DGKI: variants seen among roughly 807,000 people sequenced by gnomAD.
The protein encoded by DGKI is diacylglycerol kinase iota.
DGKI carries 55 observed loss-of-function variants against 147.5 expected under a neutral mutation model. The ratio of observed to expected loss-of-function variants is 0.37; its 90% CI spans 0.30 to 0.47. The LOEUF is 0.47. DGKI is among the 20% of genes least tolerant of loss of function. The pLI is 1.00. For missense variants in DGKI, 1,007 were observed against 1,323.8 expected (o/e 0.76, Z 3.71); for synonymous variants, 469 against 477.1 (o/e 0.98, Z 0.22).
At chr7:137,805,033 C>T (rs1420581693) in intron 1 of DGKI, among the ~76,000 whole-genome samples, 2 of 152,226 alleles carry the variant, frequency 1.3e-5, no homozygotes, top group Admixed American at 1.3e-4. Flanking sequence ...CTTGTTTATA[C>T]ATCCCTGTCA....
At chr7:137,800,613 A>T (rs190623886) in intron 1 of DGKI, among the ~76,000 whole-genome samples, 1 of 152,258 alleles carries the variant, frequency 6.6e-6, no homozygotes, top group East Asian at 1.9e-4. Flanking sequence ...TTTACAAATT[A>T]CCTAGTCTCA....
chr7:137,811,366 T>TCC (rs1797568322), intron 1 of DGKI, among the ~76,000 whole-genome samples: 1 of 96,780 alleles, frequency 1.0e-5, no homozygotes, highest in Non-Finnish European at 2.3e-5. Context: ...TCTCTCTCCC[T>TCC]CTCTCTCTCT....
At chr7:137,551,073 T>C (rs947112606) in intron 20 of DGKI, among the ~76,000 whole-genome samples, 6 of 152,158 alleles carry the variant, frequency 3.9e-5, no homozygotes, top group Non-Finnish European at 7.3e-5. Context: ...GGAGTTTCAC[T>C]AAATGCAAAA....
In DGKI at chr7:137,684,806, G is replaced by C. The variant is rs150724886; in HGVS notation, c.510+5088C>G. 1.4e-4 allele frequency among the ~76,000 whole-genome samples: 22 copies of C among 152,298 alleles called. No individual in the cohort carries two copies. The South Asian group carries it at 4.1e-3, about 29-fold the overall frequency. On this transcript the variant is annotated intron_variant, in intron 2 of 32. Transcript: ENST00000614521. The stretch of plus-strand genomic sequence containing the variant: ...AATGGGGCTGGGAGTGGGGAAAGAT[G>C]TGGGGCTGTGGGTGATGACACTCAG...
intron 15 of DGKI, 72 bp from the exon 16 acceptor site, chr7:137,578,397 T>C (rs1443861031): frequency 1.9e-6 from 2 of 1,063,926 alleles, no homozygotes; most frequent in Admixed American, 1.7e-5. Context: ...GCACTCCTAC[T>C]TCCTCCCCAG....
chr7:137,487,637 G>A lies in DGKI; in HGVS notation c.2301C>T (p.Cys767=), dbSNP rs770590732. 2 of 1,613,544 alleles carry A rather than the reference G, an allele frequency of 1.2e-6. No individual in the cohort carries two copies. Among genetic ancestry groups the A allele is most frequent in the African/African-American group, 2.7e-5 (2 of 74,862 alleles). ...VVRGDCDLET[C]RMYIDRLQED... is the part of the protein sequence containing the mutation. ...CCTGTAGGCGGTCTATGTACATACG[G>A]CAAGTCTCCAAATCACAGTCTCCAC... The change falls in exon 22 of 33, where the codon TGC becomes TGT. Residue 767 remains cysteine (C), a synonymous_variant. Transcript: ENST00000614521.
Position 137,681,571 on chromosome 7 carries a change from A to G in DGKI, c.511-2919T>C, listed in dbSNP as rs574821103. 3.9e-5 allele frequency among the ~76,000 whole-genome samples: 6 copies of G among 152,358 alleles called. No homozygotes were observed. The South Asian group carries it at 1.2e-3, about 32-fold the overall frequency. Reference sequence around the variant, plus strand: ...TCTTTAATTTATTCAACAATTCTTTATTCGATAACACTGGTGCCAGGCACT... The same window carrying G: ...TCTTTAATTTATTCAACAATTCTTTGTTCGATAACACTGGTGCCAGGCACT... On this transcript the variant is annotated intron_variant, in intron 2 of 32. Transcript: ENST00000614521.
At chr7:137,681,250 C>T (rs954467124) in intron 2 of DGKI, among the ~76,000 whole-genome samples, 1 of 152,168 alleles carries the variant, frequency 6.6e-6, no homozygotes, top group African/African-American at 2.4e-5. Context: ...GGTAATTTTT[C>T]CCTGTTGCAA....
chr7:137,674,192 C>A (rs547774689), intron 3 of DGKI, among the ~76,000 whole-genome samples: 1 of 152,192 alleles, frequency 6.6e-6, no homozygotes, highest in African/African-American at 2.4e-5. Context: ...AATTCCATTA[C>A]GTATCTGCTC....
intron 10 of DGKI, among the ~76,000 whole-genome samples, chr7:137,605,346 A>G (rs1820143328): frequency 6.8e-6 from 1 of 146,792 alleles, no homozygotes; most frequent in Non-Finnish European, 1.5e-5. Context: ...AAAATAAAAT[A>G]AAATAAAATA....
chr7:137,476,557 GT>G (rs749363106), intron 23 of DGKI, among the ~76,000 whole-genome samples: 10 of 152,070 alleles, frequency 6.6e-5, no homozygotes, highest in Non-Finnish European at 1.2e-4. Flanking sequence ...TAGTTTTAGG[GT>G]TACCTGGACA....
Position 137,476,177 on chromosome 7 carries a change from G to A in DGKI, c.2374-6558C>T, listed in dbSNP as rs926156823. Among the ~76,000 whole-genome samples the A allele has an allele frequency of 6.6e-5, 10 of 152,206 alleles. No individual in the cohort carries two copies. The South Asian group carries it at 1.0e-3, about 16-fold the overall frequency. ...CAGGTAGCTCTTGACTCTGGCTCTC[G>A]TTCATTCCTCCCTACTCTTAGTCTT... On this transcript the variant is annotated intron_variant, in intron 23 of 32. Coordinates refer to ENST00000614521, the MANE Select transcript of DGKI (RefSeq NM_001321708.2).
chr7:137,532,691 T>A (rs1412316480), intron 20 of DGKI, among the ~76,000 whole-genome samples: 1 of 152,132 alleles, frequency 6.6e-6, no homozygotes, highest in Admixed American at 6.6e-5. Flanking sequence ...GAAGGAATAA[T>A]TGAGAGTCCT....
At chr7:137,571,627 G>A (rs1249701081) in intron 18 of DGKI, among the ~76,000 whole-genome samples, 1 of 152,160 alleles carries the variant, frequency 6.6e-6, no homozygotes, top group Admixed American at 6.5e-5. Context: ...AAAGGAAGAT[G>A]TATGCATGCC....
Position 137,391,706 on chromosome 7 carries a change from G to A in DGKI, c.3058-370C>T, listed in dbSNP as rs114454188. 2.4e-3 allele frequency among the ~76,000 whole-genome samples: 367 copies of A among 152,230 alleles called. 4 individuals are homozygous for A. Among genetic ancestry groups the A allele is most frequent in the African/African-American group, 8.4e-3 (351 of 41,554 alleles). On this transcript the variant is annotated intron_variant, in intron 32 of 32. Transcript: ENST00000614521. ...CAGAGCCTTTCTGGAAGATGGGGAG[G>A]TAGAAATTACTGAATTTAAAAAATA...
At position 137,581,919 on chromosome 7, in the gene DGKI, T is replaced by C. The variant is rs755805484; in HGVS notation, c.1573A>G (p.Asn525Asp). The change falls in exon 15 of 33, where the codon AAT becomes GAT. Residue 525 changes from asparagine to aspartate, a missense_variant. Asn to Asp is a conservative substitution (Grantham distance 23). Around this residue, in one of 5 missense-constraint regions of DGKI, gnomAD observed 224 missense variants for 382.7 expected, o/e 0.59. Transcript: ENST00000614521. ...AGGCTGAAGTAGTTATTGAAAACAT[T>C]CAGAGGGAGCTGCAATGATAAACAA... ...LEDGVCKLPL[N>D]VFNNYFSLGF... 1.2e-5 allele frequency: 19 copies of C among 1,613,154 alleles called. No individual in the cohort carries two copies. The Admixed American group carries it at 1.8e-4, about 16-fold the overall frequency.
chr7:137,609,509 T>A (rs749754053), intron 9 of DGKI, 26 bp downstream of exon 9: 1 of 1,576,508 alleles, frequency 6.3e-7, no homozygotes, highest in Non-Finnish European at 8.7e-7. Context: ...TGGAAATTCC[T>A]CAGAATAAAA....
At chr7:137,668,860 A>G (rs1822739441) in intron 3 of DGKI, among the ~76,000 whole-genome samples, 1 of 152,186 alleles carries the variant, frequency 6.6e-6, no homozygotes, top group Non-Finnish European at 1.5e-5. Flanking sequence ...CTCCAAACCT[A>G]GTACTCTGAG....
chr7:137,633,212 CAAAA>C (rs575170478), intron 6 of DGKI, among the ~76,000 whole-genome samples: 6,893 of 65,612 alleles, frequency 0.11, 531 homozygotes, highest in African/African-American at 0.28. Context: ...AACTCGTTCT[CAAAA>C]AAAAAAAAAA....
Sources: gnomAD v4.1 joint callset for allele counts (sites outside exome capture counted in the v4.1 genomes callset) on GRCh38, gnomAD v4.1.1 for gene constraint, gnomAD v4.1.1 regional missense constraint, MANE v1.5 for transcripts, NCBI Gene and HGNC (gene_info 2026-07-23, HGNC 2026-07-21) for gene names.